OMA1: variants seen among roughly 807,000 people sequenced by gnomAD.
The protein encoded by OMA1 is metalloendopeptidase OMA1, mitochondrial.
Under a neutral mutation model 30.9 loss-of-function variants are expected in OMA1, and 38 were observed. The observed-to-expected ratio is 1.23, with a 90% confidence interval of 0.95 to 1.61. The LOEUF (loss-of-function observed/expected upper bound fraction) is 1.61. OMA1 is among the 40% of genes most tolerant of loss of function. The pLI is 0.00. For synonymous variants in OMA1, 173 were observed against 121.9 expected (o/e 1.42, Z -2.76); for missense variants, 461 against 349.2 (o/e 1.32, Z -2.55).
In OMA1 at chr1:58,534,298, C is replaced by CA. The variant is rs1191048243; in HGVS notation, c.762dup (p.Glu255Ter). The CA allele has an allele frequency of 2.3e-6, 2 of 862,756 alleles. No homozygotes were observed. The allele number at this position is 862,756 out of a possible 1,614,324, so 53.4% of individuals were successfully genotyped here. A position where few individuals can be genotyped will look rare whatever the true frequency, so the allele number is the denominator to read the frequency against. ...ACAGCCAGGTATCGGGCATCTTTCT[C>CA]AGTTAGCATATCATTTTTAAATTCT... On this transcript the variant is annotated frameshift_variant, in exon 4 of 9. Coordinates refer to ENST00000371226, the MANE Select transcript of OMA1 (RefSeq NM_145243.5). LOFTEE classifies it high-confidence loss of function.
At chr1:58,514,680 G>C (rs938862460) in intron 7 of OMA1, among the ~76,000 whole-genome samples, 1 of 152,134 alleles carries the variant, frequency 6.6e-6, no homozygotes, top group Non-Finnish European at 1.5e-5. Context: ...TTGTGGCAGG[G>C]GGAGCTGGGC....
intron 7 of OMA1, among the ~76,000 whole-genome samples, chr1:58,507,348 C>A (rs984923266): frequency 2.6e-5 from 4 of 151,594 alleles, no homozygotes; most frequent in Non-Finnish European, 5.9e-5. Flanking sequence ...ATTGTGAAAC[C>A]CCAAAAGGCA....
At chr1:58,522,895 A>C (rs1208832705) in intron 7 of OMA1, among the ~76,000 whole-genome samples, 3 of 152,212 alleles carry the variant, frequency 2.0e-5, no homozygotes, top group Non-Finnish European at 4.4e-5. Context: ...TAGACTGAGA[A>C]GGAAGAGGAG....
At chr1:58,516,736 A>G (rs2100440581) in intron 7 of OMA1, among the ~76,000 whole-genome samples, 1 of 152,338 alleles carries the variant, frequency 6.6e-6, no homozygotes, top group South Asian at 2.1e-4. Flanking sequence ...GGGACTGCAT[A>G]TGACCAATAG....
intron 8 of OMA1, among the ~76,000 whole-genome samples, chr1:58,496,390 T>C (rs1645802999): frequency 6.6e-6 from 1 of 152,218 alleles, no homozygotes; most frequent in Non-Finnish European, 1.5e-5. Flanking sequence ...TTCAGTGCAG[T>C]TAAATCAACC....
chr1:58,535,904 T>C (rs1439378616), intron 3 of OMA1, among the ~76,000 whole-genome samples: 4 of 152,176 alleles, frequency 2.6e-5, no homozygotes, highest in Non-Finnish European at 5.9e-5. Flanking sequence ...TTTCAAGGTA[T>C]AAGAATTCTG....
chr1:58,545,860 C>G (rs548356422), intron 1 of OMA1, among the ~76,000 whole-genome samples: 2 of 152,318 alleles, frequency 1.3e-5, no homozygotes, highest in East Asian at 3.9e-4. Context: ...TGATGGAAGG[C>G]TTTAAAAAAG....
At chr1:58,503,221 ATTG>A (rs1176059001) in intron 8 of OMA1, among the ~76,000 whole-genome samples, 2 of 152,154 alleles carry the variant, frequency 1.3e-5, no homozygotes, top group Non-Finnish European at 2.9e-5. Context: ...AGAAAATCAT[ATTG>A]TTATCATTGC....
At chr1:58,491,807 A>T (rs1010631720) in intron 8 of OMA1, among the ~76,000 whole-genome samples, 9 of 152,198 alleles carry the variant, frequency 5.9e-5, no homozygotes, top group Admixed American at 6.5e-5. Context: ...CTCCCACACA[A>T]TAATAATGGG....
At chr1:58,515,155 C>T (rs1050077221) in intron 7 of OMA1, among the ~76,000 whole-genome samples, 72 of 152,126 alleles carry the variant, frequency 4.7e-4, no homozygotes, top group African/African-American at 1.6e-3. Flanking sequence ...ATTTTGTAAC[C>T]CACTTATTCT....
chr1:58,488,714 T>C (rs1267203849), intron 8 of OMA1, among the ~76,000 whole-genome samples: 3 of 152,160 alleles, frequency 2.0e-5, no homozygotes, highest in South Asian at 2.1e-4. Flanking sequence ...CCTCCAAAAG[T>C]GCTGGGATTA....
In OMA1 at chr1:58,527,115, A is replaced by C. The variant is rs1481015709; in HGVS notation, c.1215+146T>G. The C allele has an allele frequency of 1.2e-5, 7 of 586,316 alleles. No homozygotes were observed. The South Asian group carries it at 1.6e-4, about 13-fold the overall frequency. 36.3% of individuals were successfully genotyped at this position (586,316 alleles called of 1,614,324 possible). On this transcript the variant is annotated intron_variant, in intron 7 of 8. Transcript: ENST00000371226. ...CATTCTTTCAAGGTCCATAATCTTC[A>C]AATTTCTAGATTAACAGAAATTACA...
At position 58,507,015 on chromosome 1, in the gene OMA1, T is replaced by C. The variant is rs558695494; in HGVS notation, c.1216-806A>G. On this transcript the variant is annotated intron_variant, in intron 7 of 8. Coordinates refer to ENST00000371226, the MANE Select transcript of OMA1 (RefSeq NM_145243.5). ...TGCACAGAACATATCTGAGAAGCTATTTAAGAAGCTGTTAACTACCCTAAG... is the reference window on the plus strand; with the variant it reads ...TGCACAGAACATATCTGAGAAGCTACTTAAGAAGCTGTTAACTACCCTAAG... 1.8e-4 allele frequency among the ~76,000 whole-genome samples: 27 copies of C among 152,118 alleles called. 2 individuals carry two copies. The South Asian group carries it at 5.6e-3, about 31-fold the overall frequency.
At chr1:58,510,162 A>C (rs1030866098) in intron 7 of OMA1, among the ~76,000 whole-genome samples, 1 of 152,028 alleles carries the variant, frequency 6.6e-6, no homozygotes, top group Non-Finnish European at 1.5e-5. Context: ...CCTGATACCT[A>C]TGCCAAAGAC....
intron 1 of OMA1, among the ~76,000 whole-genome samples, chr1:58,544,350 A>C (rs1441558593): frequency 6.6e-6 from 1 of 152,236 alleles, no homozygotes. Context: ...AGAACAAAAC[A>C]GATTTTAAAA....
intron 5 of OMA1, 160 bp downstream of exon 5, chr1:58,533,792 TA>T: frequency 1.7e-6 from 1 of 597,300 alleles, no homozygotes. Context: ...TTCTCAAAAT[TA>T]GCCAATCACG....
intron 8 of OMA1, 85 bp from the exon 9 acceptor site, chr1:58,481,259 TGTAAAA>T (rs1645477514): frequency 1.3e-5 from 6 of 472,852 alleles, no homozygotes; most frequent in African/African-American, 2.0e-5. Flanking sequence ...ATATGCTCCA[TGTAAAA>T]CAAAGAATGT....
At chr1:58,491,960 A>G (rs1409722269) in intron 8 of OMA1, among the ~76,000 whole-genome samples, 3 of 152,222 alleles carry the variant, frequency 2.0e-5, no homozygotes, top group Non-Finnish European at 4.4e-5. Context: ...AACAGAATAT[A>G]CATTCTTTTC....
At chr1:58,496,186 T>A (rs1333569407) in intron 8 of OMA1, among the ~76,000 whole-genome samples, 3 of 152,128 alleles carry the variant, frequency 2.0e-5, no homozygotes, top group African/African-American at 2.4e-5. Context: ...TTTTTGGCTT[T>A]GGGCATTTTA....
Sources: gnomAD v4.1 joint callset for allele counts (sites outside exome capture counted in the v4.1 genomes callset) on GRCh38, gnomAD v4.1.1 for gene constraint, MANE v1.5 for transcripts, NCBI Gene and HGNC (gene_info 2026-07-23, HGNC 2026-07-21) for gene names.